MYT1L: variants seen among roughly 807,000 people sequenced by gnomAD.
MYT1L encodes the protein myelin transcription factor 1-like protein.
MYT1L carries 12 observed loss-of-function variants against 126.7 expected under a neutral mutation model. The ratio of observed to expected loss-of-function variants is 0.09; its 90% CI spans 0.06 to 0.15. MYT1L has a LOEUF of 0.15. Ranked by LOEUF, MYT1L falls within the 10% of genes least tolerant of loss-of-function variation. The pLI, the probability that MYT1L is intolerant of heterozygous loss-of-function variation, is 1.00. For missense variants in MYT1L, 979 were observed against 1,585.2 expected (o/e 0.62, Z 6.49); for synonymous variants, 541 against 604.2 (o/e 0.90, Z 1.53).
chr2:2,121,240 C>T (rs1346547485), intron 3 of MYT1L, among the ~76,000 whole-genome samples: 9 of 151,818 alleles, frequency 5.9e-5, no homozygotes, highest in Non-Finnish European at 1.2e-4. Context: ...GGCGCGGTCT[C>T]GGCTCACTGC....
intron 21 of MYT1L, among the ~76,000 whole-genome samples, chr2:1,830,510 G>C (rs1219033615): frequency 6.6e-6 from 1 of 152,178 alleles, no homozygotes; most frequent in African/African-American, 2.4e-5. Context: ...AGGGCTCACA[G>C]GGAGATGGAG....
chr2:1,904,689 G>C (rs955982568), intron 13 of MYT1L, among the ~76,000 whole-genome samples: 1 of 151,476 alleles, frequency 6.6e-6, no homozygotes, highest in African/African-American at 2.4e-5. Flanking sequence ...ACTGTTAATC[G>C]TAACATCCTA....
chr2:1,874,035 G>C (rs542814318), intron 18 of MYT1L, among the ~76,000 whole-genome samples: 1 of 150,312 alleles, frequency 6.7e-6, no homozygotes, highest in Non-Finnish European at 1.5e-5. Context: ...ATCTACAGTC[G>C]GGGGAAGGAC....
chr2:1,968,333 C>G (rs2059542229), intron 8 of MYT1L, among the ~76,000 whole-genome samples: 1 of 152,104 alleles, frequency 6.6e-6, no homozygotes, highest in Non-Finnish European at 1.5e-5. Context: ...CAGGATTGGT[C>G]GAGGGAATAA....
chr2:2,031,117 T>C (rs990384230), intron 4 of MYT1L, among the ~76,000 whole-genome samples: 35 of 152,264 alleles, frequency 2.3e-4, no homozygotes, highest in African/African-American at 8.4e-4. Flanking sequence ...AGTTAAAATT[T>C]ATTTCTCTGC....
rs2040074670 is a variant in MYT1L, at chr2:1,830,920, C to A, written c.3080+8229G>T. On this transcript the variant is annotated intron_variant, in intron 21 of 24. Transcript: ENST00000647738. ...GCTCCCTCTGCACCTCCCGCATGCACCTGCATGTCAATGGGGCTGGAGTAA... is the reference window on the plus strand; with the variant it reads ...GCTCCCTCTGCACCTCCCGCATGCAACTGCATGTCAATGGGGCTGGAGTAA... Among the ~76,000 whole-genome samples, 1 of 152,196 alleles carries A rather than the reference C, an allele frequency of 6.6e-6. No individual in the cohort carries two copies. The highest frequency in any genetic ancestry group is 1.5e-5 in the Non-Finnish European group (1 of 68,020).
At chr2:2,005,533 T>G (rs889414422) in intron 4 of MYT1L, among the ~76,000 whole-genome samples, 5 of 150,926 alleles carry the variant, frequency 3.3e-5, no homozygotes, top group African/African-American at 1.2e-4. Flanking sequence ...CCTGCAGGCA[T>G]TCTTTCCTGA....
intron 2 of MYT1L, among the ~76,000 whole-genome samples, chr2:2,266,682 C>T (rs1181379959): frequency 6.6e-6 from 1 of 152,104 alleles, no homozygotes; most frequent in Non-Finnish European, 1.5e-5. Flanking sequence ...ATTGTAGCTC[C>T]CATAACTCCC....
chr2:2,092,042 T>C (rs4444564), intron 3 of MYT1L, among the ~76,000 whole-genome samples: 3,506 of 152,340 alleles, frequency 0.023, 131 homozygotes, highest in African/African-American at 0.077. Context: ...ATTATTCTTA[T>C]GTTCACTGAA....
intron 2 of MYT1L, among the ~76,000 whole-genome samples, chr2:2,174,584 G>A (rs981217434): frequency 2.0e-5 from 3 of 150,648 alleles, no homozygotes; most frequent in Non-Finnish European, 4.4e-5. Flanking sequence ...AGACAACGCA[G>A]TTTGATGAGG....
intron 18 of MYT1L, among the ~76,000 whole-genome samples, chr2:1,855,521 G>C (rs2043803474): frequency 6.6e-6 from 1 of 152,200 alleles, no homozygotes; most frequent in Non-Finnish European, 1.5e-5. Context: ...GGCTGCTGGG[G>C]AGCAGAGTGG....
chr2:1,995,377 T>G (rs1345758692), intron 5 of MYT1L, among the ~76,000 whole-genome samples: 1 of 152,120 alleles, frequency 6.6e-6, no homozygotes, highest in Non-Finnish European at 1.5e-5. Flanking sequence ...GGGAGTGCCC[T>G]TCACCATGAG....
At chr2:2,267,271 T>C (rs997710939) in intron 2 of MYT1L, among the ~76,000 whole-genome samples, 2 of 152,158 alleles carry the variant, frequency 1.3e-5, no homozygotes, top group Non-Finnish European at 1.5e-5. Context: ...GGCCTCGCAG[T>C]CTCCCTTACC....
Position 2,211,415 on chromosome 2 carries a change from A to T in MYT1L, c.-420-38427T>A, listed in dbSNP as rs569049762. On this transcript the variant is annotated intron_variant, in intron 2 of 24. Transcript: ENST00000647738. ...ATGATCTTCATGTATCGTTTTTTTT[A>T]AAAAAATTCTGTTAGTACTCCTTTA... is the stretch of plus-strand genomic sequence containing the variant. 2.1e-3 allele frequency among the ~76,000 whole-genome samples: 324 copies of T among 151,952 alleles called. 1 individual carries two copies. The highest frequency in any genetic ancestry group is 4.9e-3 in the African/African-American group (205 of 41,462).
At chr2:2,060,433 T>C (rs2070247278) in intron 3 of MYT1L, among the ~76,000 whole-genome samples, 1 of 152,208 alleles carries the variant, frequency 6.6e-6, no homozygotes, top group Admixed American at 6.5e-5. Flanking sequence ...ATGTAGTGAA[T>C]AAAAAATCAT....
intron 3 of MYT1L, among the ~76,000 whole-genome samples, chr2:2,099,006 G>A (rs1189289105): frequency 1.3e-5 from 2 of 152,176 alleles, no homozygotes; most frequent in African/African-American, 2.4e-5. Context: ...AGCCCAGCAC[G>A]GAGCACAGAA....
intron 1 of MYT1L, among the ~76,000 whole-genome samples, chr2:2,321,505 C>G (rs2096165637): frequency 1.3e-5 from 2 of 152,184 alleles, no homozygotes; most frequent in East Asian, 1.9e-4. Flanking sequence ...AAAGTAAGCC[C>G]TTAAGAATGG....
chr2:2,195,272 C>A (rs1037819745), intron 2 of MYT1L, among the ~76,000 whole-genome samples: 1 of 152,192 alleles, frequency 6.6e-6, no homozygotes, highest in Non-Finnish European at 1.5e-5. Flanking sequence ...GATTCATGGC[C>A]TCCTGAGAGG....
chr2:1,981,425 G>T (rs981216238), intron 5 of MYT1L, among the ~76,000 whole-genome samples: 1 of 152,166 alleles, frequency 6.6e-6, no homozygotes, highest in African/African-American at 2.4e-5. Context: ...GTTTGTGTAG[G>T]TGTGAAAGGA....
Sources: allele counts gnomAD v4.1 joint callset (sites outside exome capture counted in the v4.1 genomes callset), GRCh38; gene constraint gnomAD v4.1.1; transcripts MANE v1.5; gene names NCBI Gene and HGNC (gene_info 2026-07-23, HGNC 2026-07-21).